The following PHF21A variants were observed in gnomAD, a reference collection of about 807,000 sequenced individuals.
The protein encoded by PHF21A is PHD finger protein 21A.
PHF21A carries 11 observed loss-of-function variants against 82.5 expected under a neutral mutation model. The ratio of observed to expected loss-of-function variants is 0.13; its 90% CI spans 0.08 to 0.22. PHF21A has a LOEUF of 0.22. Among genes scored for constraint, PHF21A ranks in the 10% least tolerant of loss-of-function variants. PHF21A has a pLI of 1.00. For synonymous variants in PHF21A, 297 were observed against 302.8 expected, an observed-to-expected ratio of 0.98 and a Z score of 0.20; for missense variants, 579 against 837.8, an observed-to-expected ratio of 0.69 and a Z score of 3.81.
chr11:46,107,063 T>C (rs1426493812), intron 1 of PHF21A, among the ~76,000 whole-genome samples: 2 of 152,164 alleles, frequency 1.3e-5, no homozygotes, highest in African/African-American at 4.8e-5. Context: ...TGAGCACTCA[T>C]CTCCAAGTGG....
Position 46,066,908 on chromosome 11 carries a change from T to C in PHF21A, c.153+9846A>G, listed in dbSNP as rs186931965. 1.1e-4 allele frequency among the ~76,000 whole-genome samples: 17 copies of C among 152,320 alleles called. No individual in the cohort carries two copies. In the East Asian group the frequency reaches 3.3e-3, roughly 29 times the overall value. ...ATGCATAAATACAAACACAGTTTTT[T>C]AGTATTTTGCATTTTAAACTAATAC... On this transcript the variant is annotated intron_variant, in intron 6 of 18. Transcript: ENST00000676320.
intron 6 of PHF21A, among the ~76,000 whole-genome samples, chr11:45,991,730 T>A (rs562343970): frequency 6.6e-6 from 1 of 152,352 alleles, no homozygotes; most frequent in Admixed American, 6.5e-5. Flanking sequence ...AATCTTGGTC[T>A]CAGCTTCTGC....
chr11:46,114,185 C>T (rs1375395113), intron 1 of PHF21A, among the ~76,000 whole-genome samples: 1 of 152,118 alleles, frequency 6.6e-6, no homozygotes, highest in African/African-American at 2.4e-5. Flanking sequence ...CTTCTCTCAT[C>T]CACTGACCTC....
chr11:46,068,820 A>C lies in PHF21A; in HGVS notation c.153+7934T>G, dbSNP rs926504457. Among the ~76,000 whole-genome samples the C allele has an allele frequency of 2.6e-5, 4 of 152,350 alleles. No homozygotes were observed. The South Asian group carries it at 6.2e-4, about 24-fold the overall frequency. On this transcript the variant is annotated intron_variant, in intron 6 of 18. Coordinates refer to ENST00000676320, the MANE Select transcript of PHF21A (RefSeq NM_001352027.3). ...AAAAATACGTTATTAGGATAAACTTACAAGAGGATTGCTCTGCCTTAACTC... is the reference window on the plus strand; with the variant it reads ...AAAAATACGTTATTAGGATAAACTTCCAAGAGGATTGCTCTGCCTTAACTC...
chr11:45,945,040 G>A (rs1273842864), intron 15 of PHF21A, among the ~76,000 whole-genome samples: 1 of 152,174 alleles, frequency 6.6e-6, no homozygotes, highest in Non-Finnish European at 1.5e-5. Flanking sequence ...TGGGATTACA[G>A]GCATAAGCCA....
intron 18 of PHF21A, chr11:45,934,495 C>T (rs757184850): frequency 2.0e-5 from 8 of 393,198 alleles, no homozygotes; most frequent in African/African-American, 4.2e-5. Context: ...GGAGTACTAA[C>T]GCTTAAAAAC....
At chr11:45,964,633 CAAATAGGATACGGT>C (rs923219499) in intron 10 of PHF21A, among the ~76,000 whole-genome samples, 70 of 152,258 alleles carry the variant, frequency 4.6e-4, no homozygotes, top group African/African-American at 1.6e-3. Flanking sequence ...AGTCGTTTTT[CAAATAGGATACGGT>C]GACTGCCTAT....
At chr11:45,950,544 C>CA (rs997492492) in intron 11 of PHF21A, among the ~76,000 whole-genome samples, 6 of 150,964 alleles carry the variant, frequency 4.0e-5, no homozygotes, top group South Asian at 2.1e-4. Flanking sequence ...AAAAAAATCG[C>CA]AAAAAAAACT....
intron 1 of PHF21A, among the ~76,000 whole-genome samples, chr11:46,114,692 AT>A (rs2097266199): frequency 6.6e-6 from 1 of 152,158 alleles, no homozygotes; most frequent in Non-Finnish European, 1.5e-5. Flanking sequence ...AACACACACA[AT>A]TTAGGGTTCT....
At chr11:46,119,965 G>T (rs1337629075) in intron 1 of PHF21A, 1 of 146,390 alleles carries the variant, frequency 6.8e-6, no homozygotes, top group South Asian at 2.1e-4. Flanking sequence ...TCGGGGTCCC[G>T]GGGGCGCCCC....
At chr11:46,108,731 TTA>T (rs954884743) in intron 1 of PHF21A, among the ~76,000 whole-genome samples, 2 of 152,138 alleles carry the variant, frequency 1.3e-5, no homozygotes, top group Non-Finnish European at 2.9e-5. Flanking sequence ...GAAAGGACAC[TTA>T]TCTAACACTC....
chr11:46,047,169 C>T (rs1468775389), intron 6 of PHF21A, among the ~76,000 whole-genome samples: 1 of 152,136 alleles, frequency 6.6e-6, no homozygotes, highest in African/African-American at 2.4e-5. Context: ...AGGCTTCAGG[C>T]AGGTTACTTT....
chr11:46,016,037 G>A (rs1018832976), intron 6 of PHF21A, among the ~76,000 whole-genome samples: 7 of 152,110 alleles, frequency 4.6e-5, no homozygotes, highest in African/African-American at 1.4e-4. Context: ...ATAATTGTAT[G>A]TGCTATAGTT....
chr11:45,955,071 T>A (rs1402830347), intron 10 of PHF21A, among the ~76,000 whole-genome samples: 2 of 152,198 alleles, frequency 1.3e-5, no homozygotes, highest in African/African-American at 4.8e-5. Context: ...AAATGCGGCT[T>A]TGTAATTTTC....
chr11:45,980,319 C>A (rs186297697), intron 6 of PHF21A, among the ~76,000 whole-genome samples: 1 of 152,178 alleles, frequency 6.6e-6, no homozygotes, highest in Non-Finnish European at 1.5e-5. Flanking sequence ...CCTACTTCAA[C>A]TCCAATTTCA....
chr11:45,944,289 C>A (rs1247617418), intron 15 of PHF21A, among the ~76,000 whole-genome samples: 1 of 152,164 alleles, frequency 6.6e-6, no homozygotes, highest in African/African-American at 2.4e-5. Context: ...AAGTCTGCAA[C>A]TTCTTGTTAC....
At chr11:45,985,450 C>T (rs530356616) in intron 6 of PHF21A, among the ~76,000 whole-genome samples, 1 of 152,130 alleles carries the variant, frequency 6.6e-6, no homozygotes, top group Non-Finnish European at 1.5e-5. Context: ...GACAAACACA[C>T]AGAAGAGAAA....
At chr11:46,009,265 C>T (rs2095364152) in intron 6 of PHF21A, among the ~76,000 whole-genome samples, 1 of 152,050 alleles carries the variant, frequency 6.6e-6, no homozygotes, top group Non-Finnish European at 1.5e-5. Flanking sequence ...TGAGCCACTG[C>T]GCCCGGCCAT....
chr11:45,972,653 C>T (rs962871987), intron 7 of PHF21A, among the ~76,000 whole-genome samples: 1 of 152,210 alleles, frequency 6.6e-6, no homozygotes, highest in African/African-American at 2.4e-5. Context: ...GTGGCTCGTG[C>T]CTGTAATCCC....
Sources: allele counts gnomAD v4.1 joint callset (sites outside exome capture counted in the v4.1 genomes callset), GRCh38; gene constraint gnomAD v4.1.1; transcripts MANE v1.5; gene names NCBI Gene and HGNC (gene_info 2026-07-23, HGNC 2026-07-21).